Variants in ARHGAP15 observed in about 807,000 individuals in gnomAD.
The protein encoded by ARHGAP15 is Rho GTPase activating protein 15, also known as rho GTPase-activating protein 15.
A neutral mutation model predicts 63.7 loss-of-function variants in ARHGAP15; 51 were observed. That is an observed-to-expected ratio of 0.80 (90% CI 0.64 to 1.01). The LOEUF is 1.01. Among genes scored for constraint, ARHGAP15 ranks in the 50% least tolerant of loss-of-function variants. The probability of loss-of-function intolerance (pLI) is 0.00; values close to 1 mark genes in which losing one functional copy is unlikely to be tolerated. For missense variants in ARHGAP15, 560 were observed against 564.6 expected, an observed-to-expected ratio of 0.99 and a Z score of 0.08; for synonymous variants, 191 against 193.8, an observed-to-expected ratio of 0.99 and a Z score of 0.12.
intron 11 of ARHGAP15, among the ~76,000 whole-genome samples, chr2:143,573,230 C>G (rs115322637): frequency 0.012 from 1,837 of 152,184 alleles, 37 homozygotes; most frequent in African/African-American, 0.043. Flanking sequence ...TGTTTTGCAT[C>G]CCTTACAAAA....
chr2:143,427,111 G>A (rs1689167592), intron 6 of ARHGAP15, among the ~76,000 whole-genome samples: 2 of 152,116 alleles, frequency 1.3e-5, no homozygotes, highest in African/African-American at 4.8e-5. Flanking sequence ...TCTCATTAAT[G>A]TAAGCAGACA....
intron 11 of ARHGAP15, among the ~76,000 whole-genome samples, chr2:143,565,193 A>G (rs973385992): frequency 1.3e-5 from 2 of 152,186 alleles, no homozygotes; most frequent in African/African-American, 2.4e-5. Context: ...GATTCAATTT[A>G]CCATGGGGAA....
chr2:143,293,067 C>T (rs1682480022), intron 6 of ARHGAP15, among the ~76,000 whole-genome samples: 1 of 151,982 alleles, frequency 6.6e-6, no homozygotes, highest in African/African-American at 2.4e-5. Flanking sequence ...CATTATTAAA[C>T]AGTATAGAAT....
chr2:143,343,591 C>T (rs911095070), intron 6 of ARHGAP15, among the ~76,000 whole-genome samples: 8 of 151,928 alleles, frequency 5.3e-5, no homozygotes, highest in East Asian at 1.9e-4. Context: ...GATAGAAACT[C>T]GATATTTGTT....
intron 9 of ARHGAP15, among the ~76,000 whole-genome samples, chr2:143,493,166 TATA>T (rs1257146218): frequency 6.6e-6 from 1 of 152,228 alleles, no homozygotes; most frequent in East Asian, 1.9e-4. Flanking sequence ...TTCCTGTACT[TATA>T]ATATCACAAC....
At chr2:143,501,378 C>CATTTGATATTACATAAAGA (rs1453277480) in intron 9 of ARHGAP15, among the ~76,000 whole-genome samples, 19 of 152,238 alleles carry the variant, frequency 1.2e-4, no homozygotes, top group South Asian at 2.1e-4. Context: ...CATAGGAGAC[C>CATTTGATATTACATAAAGA]ATTTGATATT....
At chr2:143,654,855 G>A (rs1230903396) in intron 12 of ARHGAP15, among the ~76,000 whole-genome samples, 1 of 152,154 alleles carries the variant, frequency 6.6e-6, no homozygotes, top group East Asian at 1.9e-4. Context: ...TATGACCTGA[G>A]AGGCTGAGGA....
At chr2:143,543,718 G>A (rs1695204332) in intron 10 of ARHGAP15, among the ~76,000 whole-genome samples, 10 of 151,930 alleles carry the variant, frequency 6.6e-5, no homozygotes, top group Admixed American at 6.6e-4. Context: ...TTTCAATGTA[G>A]ATCTATGTGA....
Position 143,139,239 on chromosome 2 carries a change from A to C in ARHGAP15, c.-15+9773A>C, listed in dbSNP as rs529597634. On this transcript the variant is annotated intron_variant, in intron 1 of 13. Transcript: ENST00000295095. ...TATTTTTGCCTTCCTTCCAATTTCGATTACATCTCTACTCCTGAAGTCATA... is the reference window on the plus strand; with the variant it reads ...TATTTTTGCCTTCCTTCCAATTTCGCTTACATCTCTACTCCTGAAGTCATA... 5.3e-5 allele frequency among the ~76,000 whole-genome samples: 8 copies of C among 152,106 alleles called. 1 individual carries two copies. In the East Asian group the frequency reaches 1.6e-3, roughly 29 times the overall value.
chr2:143,369,619 A>G (rs1226951395), intron 6 of ARHGAP15, among the ~76,000 whole-genome samples: 1 of 152,124 alleles, frequency 6.6e-6, no homozygotes, highest in African/African-American at 2.4e-5. Flanking sequence ...TTTCCAATAT[A>G]ATTGCAGGTT....
chr2:143,321,969 C>G (rs1353113160), intron 6 of ARHGAP15, among the ~76,000 whole-genome samples: 1 of 152,218 alleles, frequency 6.6e-6, no homozygotes, highest in East Asian at 1.9e-4. Flanking sequence ...AGGGGACTTG[C>G]TGATAACCTC....
intron 6 of ARHGAP15, among the ~76,000 whole-genome samples, chr2:143,395,545 A>G (rs1471411912): frequency 6.6e-6 from 1 of 152,180 alleles, no homozygotes; most frequent in African/African-American, 2.4e-5. Context: ...TGTGATATAA[A>G]AAGCAAAGGA....
At chr2:143,415,045 A>G (rs919601370) in intron 6 of ARHGAP15, among the ~76,000 whole-genome samples, 8 of 152,342 alleles carry the variant, frequency 5.3e-5, no homozygotes, top group Non-Finnish European at 7.3e-5. Context: ...GATCATGATG[A>G]TGGTAGGATT....
chr2:143,295,216 A>G (rs1682583735), intron 6 of ARHGAP15, among the ~76,000 whole-genome samples: 1 of 152,058 alleles, frequency 6.6e-6, no homozygotes, highest in Non-Finnish European at 1.5e-5. Flanking sequence ...GAAAATGGAG[A>G]GAAAAGGTTT....
At chr2:143,732,319 G>A (rs1401001435) in intron 13 of ARHGAP15, among the ~76,000 whole-genome samples, 1 of 152,134 alleles carries the variant, frequency 6.6e-6, no homozygotes, top group African/African-American at 2.4e-5. Flanking sequence ...GAACCTCATA[G>A]CATGCATTTG....
chr2:143,281,766 G>A (rs766912802), intron 6 of ARHGAP15, among the ~76,000 whole-genome samples: 28 of 152,178 alleles, frequency 1.8e-4, no homozygotes, highest in Non-Finnish European at 3.1e-4. Flanking sequence ...GATAGACTCC[G>A]AATATTCTAC....
chr2:143,306,300 G>A (rs1480038236), intron 6 of ARHGAP15, among the ~76,000 whole-genome samples: 1 of 152,130 alleles, frequency 6.6e-6, no homozygotes, highest in Non-Finnish European at 1.5e-5. Context: ...GTTCGGATTT[G>A]TAGAGATAGG....
chr2:143,591,862 C>T (rs539347470), intron 11 of ARHGAP15, among the ~76,000 whole-genome samples: 19 of 151,832 alleles, frequency 1.3e-4, no homozygotes, highest in Non-Finnish European at 2.1e-4. Flanking sequence ...TCAGGTGATC[C>T]GCCTGCCTCA....
chr2:143,212,126 T>C (rs1252562559), intron 3 of ARHGAP15, among the ~76,000 whole-genome samples: 1 of 148,326 alleles, frequency 6.7e-6, no homozygotes, highest in Non-Finnish European at 1.5e-5. Context: ...GAGAACAACA[T>C]GAAGCCTTCT....
Sources: allele counts gnomAD v4.1 joint callset (sites outside exome capture counted in the v4.1 genomes callset), GRCh38; gene constraint gnomAD v4.1.1; transcripts MANE v1.5; gene names NCBI Gene and HGNC (gene_info 2026-07-23, HGNC 2026-07-21).